Variants in BBS9 observed in about 807,000 individuals in gnomAD.
BBS9 encodes the protein protein PTHB1.
In BBS9, 89 loss-of-function variants were observed where a neutral mutation model predicts 117.7. The ratio of observed to expected loss-of-function variants is 0.76; its 90% confidence interval spans 0.64 to 0.90. The LOEUF is 0.90. Among genes scored for constraint, BBS9 ranks in the 40% least tolerant of loss-of-function variants. BBS9 has a pLI of 0.00. For missense variants in BBS9, 982 were observed against 1,042.2 expected, an observed-to-expected ratio of 0.94 and a Z score of 0.80; for synonymous variants, 379 against 370.9, an observed-to-expected ratio of 1.02 and a Z score of -0.25.
At chr7:33,417,479 T>A (rs1832194588) in intron 19 of BBS9, among the ~76,000 whole-genome samples, 1 of 152,224 alleles carries the variant, frequency 6.6e-6, no homozygotes, top group Admixed American at 6.5e-5. Context: ...AAAAACTCTG[T>A]CATTCAATGC....
At chr7:33,269,935 A>G (rs1200674202) in intron 7 of BBS9, among the ~76,000 whole-genome samples, 1 of 151,302 alleles carries the variant, frequency 6.6e-6, no homozygotes, top group African/African-American at 2.4e-5. Flanking sequence ...AGGCAGGAGA[A>G]TCGCTTGAAC....
At chr7:33,588,944 C>T (rs1861418464) in intron 21 of BBS9, among the ~76,000 whole-genome samples, 1 of 152,104 alleles carries the variant, frequency 6.6e-6, no homozygotes, top group Non-Finnish European at 1.5e-5. Context: ...TTTGTGCAGA[C>T]ATTTGCTCAT....
At chr7:33,246,405 G>C (rs1417445418) in intron 5 of BBS9, among the ~76,000 whole-genome samples, 1 of 151,820 alleles carries the variant, frequency 6.6e-6, no homozygotes, top group Non-Finnish European at 1.5e-5. Context: ...AAGATTAAGA[G>C]AGTTGATAAT....
At chr7:33,233,793 C>CT (rs1165786954) in intron 5 of BBS9, among the ~76,000 whole-genome samples, 3 of 152,066 alleles carry the variant, frequency 2.0e-5, no homozygotes, top group Non-Finnish European at 4.4e-5. Context: ...AAAAACAAAC[C>CT]TTTTTTTGAC....
chr7:33,500,496 G>A (rs576550786), intron 19 of BBS9, among the ~76,000 whole-genome samples: 2 of 152,264 alleles, frequency 1.3e-5, no homozygotes, highest in East Asian at 1.9e-4. Context: ...TTTCCTCATC[G>A]GGAAGTGGGG....
At chr7:33,432,890 T>C (rs967173293) in intron 19 of BBS9, among the ~76,000 whole-genome samples, 6 of 152,172 alleles carry the variant, frequency 3.9e-5, no homozygotes, top group African/African-American at 1.4e-4. Flanking sequence ...TTTTACCTGC[T>C]AGTTTCTTCT....
At chr7:33,297,616 CT>C (rs1324414633) in intron 9 of BBS9, among the ~76,000 whole-genome samples, 13 of 152,158 alleles carry the variant, frequency 8.5e-5, no homozygotes, top group Non-Finnish European at 1.5e-4. Context: ...TACTTGCCAC[CT>C]TTTTTGTGGA....
chr7:33,449,690 G>A (rs1427572487), intron 19 of BBS9, among the ~76,000 whole-genome samples: 2 of 152,192 alleles, frequency 1.3e-5, no homozygotes, highest in Non-Finnish European at 2.9e-5. Context: ...CTTTCTGTAT[G>A]TAACCTGGAA....
At chr7:33,216,831 C>T (rs1789155520) in intron 5 of BBS9, among the ~76,000 whole-genome samples, 1 of 152,174 alleles carries the variant, frequency 6.6e-6, no homozygotes, top group Non-Finnish European at 1.5e-5. Context: ...CGTGGTGGCT[C>T]ATGCTTGTAA....
At chr7:33,297,360 T>C (rs1805485245) in intron 9 of BBS9, among the ~76,000 whole-genome samples, 1 of 152,182 alleles carries the variant, frequency 6.6e-6, no homozygotes, top group African/African-American at 2.4e-5. Context: ...TGATATGTAC[T>C]TTAAAGAACA....
intron 19 of BBS9, among the ~76,000 whole-genome samples, chr7:33,421,343 A>G (rs1403643980): frequency 6.6e-6 from 1 of 152,210 alleles, no homozygotes; most frequent in Non-Finnish European, 1.5e-5. Context: ...TACACCATTT[A>G]AAAATACTCC....
intron 21 of BBS9, among the ~76,000 whole-genome samples, chr7:33,593,240 T>A (rs1862216537): frequency 6.6e-6 from 1 of 152,140 alleles, no homozygotes; most frequent in African/African-American, 2.4e-5. Context: ...CAGACATTGA[T>A]CAAATGGCAA....
rs542392820 is a variant in BBS9 at position 33,544,857 on chromosome 7, G to C, written c.2521+10681G>C. On this transcript the variant is annotated intron_variant, in intron 21 of 22. Transcript: ENST00000242067. ...TGTATGAGTTCAGGCTGTCCTTGAG[G>C]GGGTCTTGTTGCAGCTGCTGTCTGG... Among the ~76,000 whole-genome samples, 13 of 152,230 alleles carry C rather than the reference G, an allele frequency of 8.5e-5. No homozygotes were observed. The South Asian group carries it at 2.5e-3, about 29-fold the overall frequency.
intron 21 of BBS9, among the ~76,000 whole-genome samples, chr7:33,622,491 A>G (rs1865458146): frequency 6.6e-6 from 1 of 152,234 alleles, no homozygotes; most frequent in Admixed American, 6.5e-5. Context: ...GTGAAATACT[A>G]GATATGTTAA....
intron 9 of BBS9, chr7:33,276,814 G>C (rs1311976298): frequency 6.5e-6 from 1 of 153,022 alleles, no homozygotes; most frequent in Non-Finnish European, 1.5e-5. Flanking sequence ...CTTGCCACGT[G>C]AGCGCTGGTG....
chr7:33,191,491 A>G (rs1242491749), intron 5 of BBS9, among the ~76,000 whole-genome samples: 2 of 152,188 alleles, frequency 1.3e-5, no homozygotes, highest in East Asian at 3.8e-4. Flanking sequence ...TTTCTCTCCT[A>G]GGACCTCCCT....
rs527876389 is a variant in BBS9 at position 33,492,212 on chromosome 7, A to AC, written c.2116-13251_2116-13250insC. 1.5e-4 allele frequency among the ~76,000 whole-genome samples: 22 copies of AC among 144,998 alleles called. 1 individual carries two copies. The South Asian group carries it at 2.3e-3, about 15-fold the overall frequency. On this transcript the variant is annotated intron_variant, in intron 19 of 22. Coordinates refer to ENST00000242067, the MANE Select transcript of BBS9 (RefSeq NM_198428.3). ...AGCAAGATTCCACCTCGAAAAAAAA[A>AC]ACAAAAAAAAAACAAAAAAAAAACT...
intron 2 of BBS9, among the ~76,000 whole-genome samples, chr7:33,147,749 T>C (rs1166788302): frequency 6.6e-6 from 1 of 152,206 alleles, no homozygotes; most frequent in Non-Finnish European, 1.5e-5. Flanking sequence ...TACTGTACAC[T>C]CATTCATTTC....
At chr7:33,144,946 G>A (rs4720104) in intron 1 of BBS9, among the ~76,000 whole-genome samples, 24,035 of 152,182 alleles carry the variant, frequency 0.16, 2,076 homozygotes, top group South Asian at 0.21. Context: ...CATGAAATTA[G>A]ATAAGGTTAG....
Sources: allele counts gnomAD v4.1 joint callset (sites outside exome capture counted in the v4.1 genomes callset), GRCh38; gene constraint gnomAD v4.1.1; transcripts MANE v1.5; gene names NCBI Gene and HGNC (gene_info 2026-07-23, HGNC 2026-07-21).